The following SLC38A1 variants were observed in gnomAD, a reference collection of about 807,000 sequenced individuals.
SLC38A1 encodes the protein solute carrier family 38 member 1, also known as sodium-coupled neutral amino acid symporter 1.
Under a neutral mutation model 60.3 loss-of-function variants are expected in SLC38A1, and 18 were observed. That is an observed-to-expected ratio of 0.30 (90% confidence interval 0.21 to 0.44). The LOEUF is 0.44. Ranked by LOEUF, SLC38A1 falls within the 20% of genes least tolerant of loss-of-function variation. The pLI is 1.00. For missense variants in SLC38A1, 448 were observed against 587.2 expected, an observed-to-expected ratio of 0.76 and a Z score of 2.45; for synonymous variants, 196 against 212.1, an observed-to-expected ratio of 0.92 and a Z score of 0.66.
chr12:46,193,398 G>C (rs1939227472), intron 16 of SLC38A1, among the ~76,000 whole-genome samples: 1 of 152,176 alleles, frequency 6.6e-6, no homozygotes, highest in African/African-American at 2.4e-5. Flanking sequence ...TGAGAAGAAT[G>C]CATATTGTCT....
rs1388974079 is a variant in SLC38A1, at chr12:46,192,395, T to C, written c.1363-3324A>G. ...TCAGGGATATTGGCCTAAAATTCTC[T>C]TTTTTTGTTGTGTCTCCACCAGGCT... On this transcript the variant is annotated intron_variant, in intron 16 of 16. Transcript: ENST00000398637. Among the ~76,000 whole-genome samples the C allele has an allele frequency of 2.0e-5, 3 of 152,194 alleles. No individual in the cohort carries two copies. In the East Asian group the frequency reaches 5.8e-4, roughly 29 times the overall value.
chr12:46,193,778 T>C (rs1939249089), intron 16 of SLC38A1, among the ~76,000 whole-genome samples: 1 of 152,108 alleles, frequency 6.6e-6, no homozygotes, highest in South Asian at 2.1e-4. Context: ...TTGCTTTCCA[T>C]TTGCTTGGTA....
intron 1 of SLC38A1, among the ~76,000 whole-genome samples, chr12:46,247,025 T>C (rs1379265249): frequency 5.3e-5 from 8 of 152,098 alleles, no homozygotes; most frequent in Admixed American, 5.2e-4. Context: ...ACCCCATCTG[T>C]AGGTCACCAA....
rs182312018 is a variant in SLC38A1 at position 46,224,158 on chromosome 12, C to A, written c.314+4995G>T. On this transcript the variant is annotated intron_variant, in intron 5 of 16. Transcript: ENST00000398637. ...CTATTGCCTTTTATTTGGGTCCTCA[C>A]TCCCAGGAAAACAGCTCAACAAGTA... Among the ~76,000 whole-genome samples the A allele has an allele frequency of 1.1e-3, 166 of 152,242 alleles. 1 individual carries two copies. Among genetic ancestry groups the A allele is most frequent in the East Asian group, 8.3e-3 (43 of 5,178 alleles).
rs1184241046 is a variant in SLC38A1, at chr12:46,185,797, C to T, written c.*3173G>A. The stretch of plus-strand genomic sequence containing the variant: ...CCCTCCTTCACCCTCCTCCTACCAC[C>T]AAGCTCTCCAGCAGTCATGGACTTA... On this transcript the variant is annotated 3_prime_UTR_variant, in exon 17 of 17. Transcript: ENST00000398637. 2 of 152,272 alleles carry T rather than the reference C, an allele frequency of 1.3e-5. No homozygotes were observed. Among genetic ancestry groups the T allele is most frequent in the Non-Finnish European group, 2.9e-5 (2 of 68,188 alleles). The allele number at this position is 152,272 out of a possible 1,614,324, so 9.4% of individuals were successfully genotyped here. A position where few individuals can be genotyped will look rare whatever the true frequency, so the allele number is the denominator to read the frequency against.
Position 46,197,943 on chromosome 12 carries a change from T to A in SLC38A1, c.1240A>T (p.Met414Leu), listed in dbSNP as rs1308523124. ...INLLVIFIPS[M>L]KDIFGVVGVT... is the part of the protein sequence containing the mutation. ...CCTACGACTCCAAAAATATCCTTCA[T>A]GGAGGGTATGAAGATCACCAACAAG... The change falls in exon 15 of 17, where the codon ATG (methionine) becomes TTG (leucine). Residue 414 changes from methionine to leucine, a missense_variant. By Grantham distance (15) the Met-to-Leu change is conservative (BLOSUM62 2). Coordinates refer to ENST00000398637, the MANE Select transcript of SLC38A1 (RefSeq NM_030674.4). The A allele has an allele frequency of 1.9e-6, 3 of 1,614,036 alleles. No individual in the cohort carries two copies. The Admixed American group carries it at 5.0e-5, about 27-fold the overall frequency.
At position 46,219,369 on chromosome 12, in the gene SLC38A1, T is replaced by C. The variant is rs990065538; in HGVS notation, c.314+9784A>G. 5.3e-5 allele frequency among the ~76,000 whole-genome samples: 8 copies of C among 152,360 alleles called. No individual in the cohort carries two copies. In the East Asian group the frequency reaches 1.5e-3, roughly 29 times the overall value. On this transcript the variant is annotated intron_variant, in intron 5 of 16. Transcript: ENST00000398637. ...GTAATTAACAGGGTTGTTATAAAGA[T>C]CTCATGGAACAATGTACACTTTACA... is the stretch of plus-strand genomic sequence containing the variant.
chr12:46,210,877 A>C (rs1940134322), intron 5 of SLC38A1, among the ~76,000 whole-genome samples: 1 of 152,198 alleles, frequency 6.6e-6, no homozygotes, highest in South Asian at 2.1e-4. Flanking sequence ...TGTCTTTATC[A>C]GGAGCATGAA....
intron 1 of SLC38A1, among the ~76,000 whole-genome samples, chr12:46,244,670 C>G (rs1179535833): frequency 1.3e-5 from 2 of 152,172 alleles, no homozygotes; most frequent in African/African-American, 4.8e-5. Context: ...TCCAGACTTC[C>G]TGAAGGAGGC....
intron 1 of SLC38A1, among the ~76,000 whole-genome samples, chr12:46,260,943 C>A (rs988853432): frequency 6.6e-6 from 1 of 152,176 alleles, no homozygotes; most frequent in Non-Finnish European, 1.5e-5. Flanking sequence ...CCTTGCCAAT[C>A]ATAACTGTTC....
intron 3 of SLC38A1, among the ~76,000 whole-genome samples, chr12:46,231,922 A>G (rs1198557171): frequency 6.6e-6 from 1 of 152,156 alleles, no homozygotes; most frequent in Non-Finnish European, 1.5e-5. Context: ...AGCCTCATAC[A>G]CTTTTTTCAA....
chr12:46,257,938 G>T (rs894917157), intron 1 of SLC38A1, among the ~76,000 whole-genome samples: 2 of 152,216 alleles, frequency 1.3e-5, no homozygotes, highest in Admixed American at 6.5e-5. Context: ...AAATGGCTAC[G>T]CCATAGACAG....
intron 5 of SLC38A1, among the ~76,000 whole-genome samples, chr12:46,228,080 A>G (rs1940934078): frequency 6.6e-6 from 1 of 152,202 alleles, no homozygotes; most frequent in African/African-American, 2.4e-5. Context: ...TCAAGAGAGG[A>G]GGCTAGAGTT....
chr12:46,239,638 T>C (rs781425216), intron 3 of SLC38A1, 41 bp downstream of exon 3: 2 of 1,610,050 alleles, frequency 1.2e-6, no homozygotes, highest in Non-Finnish European at 1.7e-6. Context: ...CCACGAGCCA[T>C]TTCTTTCACT....
In SLC38A1 at chr12:46,197,745, C is replaced by T; in HGVS notation, c.1337G>A (p.Gly446Glu). ...SLYLKITDQD[G>E]DKGTQRIWAA... ...CCAAATTCTTTGAGTTCCTTTATCT[C>T]CATCCTGGTCTGTGATTTTTAAATA... is the stretch of plus-strand genomic sequence containing the variant. Residue 446 changes from glycine to glutamate, a missense_variant, in exon 16 of 17, where the codon GGA becomes GAA. Physicochemically the swap from Gly to Glu is moderately conservative, Grantham distance 98. This residue lies in a region of SLC38A1 where 346 missense variants were observed against 497.5 expected (regional missense o/e 0.70). Transcript: ENST00000398637. The T allele has an allele frequency of 6.3e-7, 1 of 1,599,974 alleles. No homozygotes were observed. Among genetic ancestry groups the T allele is most frequent in the African/African-American group, 1.4e-5 (1 of 74,016 alleles).
At chr12:46,198,853 T>A in intron 13 of SLC38A1, 110 bp from the exon 14 acceptor site, 1 of 685,538 alleles carries the variant, frequency 1.5e-6, no homozygotes, top group Admixed American at 2.6e-5. Flanking sequence ...AGAAAAGCAA[T>A]GTTTCGAAAT....
chr12:46,248,261 A>T (rs1941694866), intron 1 of SLC38A1, among the ~76,000 whole-genome samples: 1 of 152,154 alleles, frequency 6.6e-6, no homozygotes, highest in Admixed American at 6.5e-5. Flanking sequence ...AAGACTCAAG[A>T]CCCGTAATTG....
At chr12:46,205,463 A>G (rs979776783) in intron 9 of SLC38A1, among the ~76,000 whole-genome samples, 1 of 152,170 alleles carries the variant, frequency 6.6e-6, no homozygotes, top group African/African-American at 2.4e-5. Flanking sequence ...TAGGTTTTTG[A>G]CTAGATGGCA....
chr12:46,264,988 A>G (rs1391130453), intron 1 of SLC38A1, among the ~76,000 whole-genome samples: 1 of 152,254 alleles, frequency 6.6e-6, no homozygotes, highest in African/African-American at 2.4e-5. Context: ...AGTATTTTTA[A>G]AAGATTACAT....
Sources: gnomAD v4.1 joint callset for allele counts (sites outside exome capture counted in the v4.1 genomes callset) on GRCh38, gnomAD v4.1.1 for gene constraint, gnomAD v4.1.1 regional missense constraint, MANE v1.5 for transcripts, NCBI Gene and HGNC (gene_info 2026-07-23, HGNC 2026-07-21) for gene names.